The following C10orf67 variants were observed in gnomAD, a reference collection of about 807,000 sequenced individuals.
The protein encoded by C10orf67 is chromosome 10 open reading frame 67, also known as uncharacterized protein C10orf67, mitochondrial.
C10orf67 carries 60 observed loss-of-function variants against 35.6 expected under a neutral mutation model. That is an observed-to-expected ratio of 1.68 (90% CI 1.37 to 2.09). C10orf67 has a LOEUF of 2.09. Ranked by LOEUF, C10orf67 falls within the 30% of genes most tolerant of loss-of-function variation. The pLI, the probability that C10orf67 is intolerant of heterozygous loss-of-function variation, is 0.00. For synonymous variants in C10orf67, 167 were observed against 115.8 expected, an observed-to-expected ratio of 1.44 and a Z score of -2.84; for missense variants, 474 against 330.2, an observed-to-expected ratio of 1.44 and a Z score of -3.38.
At position 23,204,969 on chromosome 10, in the gene C10orf67, G is replaced by A. The variant is rs1425574994; in HGVS notation, c.1571-714C>T. Among the ~76,000 whole-genome samples, 4 of 152,210 alleles carry A rather than the reference G, an allele frequency of 2.6e-5. No homozygotes were observed. The East Asian group carries it at 7.7e-4, about 29-fold the overall frequency. On this transcript the variant is annotated intron_variant, in intron 15 of 15. Transcript: ENST00000636213. ...CCGGGAGCGTGGAGAAGGCAACAAA[G>A]CATTGCAGCCTGCGGTCACCGGTAG...
At chr10:23,326,874 CA>C (rs1439104149) in intron 2 of C10orf67, among the ~76,000 whole-genome samples, 1 of 151,790 alleles carries the variant, frequency 6.6e-6, no homozygotes, top group Non-Finnish European at 1.5e-5. Flanking sequence ...GAACGATGAG[CA>C]AAGAAATTGG....
intron 15 of C10orf67, among the ~76,000 whole-genome samples, chr10:23,212,011 C>T (rs1407174616): frequency 6.6e-6 from 1 of 152,168 alleles, no homozygotes; most frequent in Non-Finnish European, 1.5e-5. Flanking sequence ...TAAATGTGAG[C>T]TTATTTAGAA....
At chr10:23,282,877 T>C (rs1445782061) in intron 7 of C10orf67, among the ~76,000 whole-genome samples, 3 of 151,150 alleles carry the variant, frequency 2.0e-5, no homozygotes, top group African/African-American at 7.3e-5. Flanking sequence ...CAATTGAACT[T>C]ACGGAGATAG....
intron 13 of C10orf67, among the ~76,000 whole-genome samples, chr10:23,227,049 C>T (rs1396140468): frequency 2.0e-5 from 3 of 152,274 alleles, no homozygotes; most frequent in African/African-American, 7.2e-5. Context: ...GAAACTATTC[C>T]AATCAATAGA....
chr10:23,300,801 T>C (rs953376071), intron 5 of C10orf67, among the ~76,000 whole-genome samples: 1 of 152,234 alleles, frequency 6.6e-6, no homozygotes, highest in Non-Finnish European at 1.5e-5. Flanking sequence ...AATTGCCTGC[T>C]GGCCTGTGGG....
At chr10:23,276,966 A>C (rs7071484) in intron 8 of C10orf67, among the ~76,000 whole-genome samples, 37,672 of 152,120 alleles carry the variant, frequency 0.25, 5,679 homozygotes, top group African/African-American at 0.41. Flanking sequence ...CAAACGGATA[A>C]GACATTTCAC....
At chr10:23,319,764 C>T (rs1844870403) in intron 4 of C10orf67, among the ~76,000 whole-genome samples, 1 of 152,192 alleles carries the variant, frequency 6.6e-6, no homozygotes, top group Non-Finnish European at 1.5e-5. Flanking sequence ...ACAACCTCCT[C>T]CAAAATCTCA....
intron 5 of C10orf67, among the ~76,000 whole-genome samples, chr10:23,297,512 G>A (rs1843928132): frequency 6.6e-6 from 1 of 152,084 alleles, no homozygotes; most frequent in Non-Finnish European, 1.5e-5. Flanking sequence ...TACCAGCTGA[G>A]CACTAGTTCC....
intron 12 of C10orf67, among the ~76,000 whole-genome samples, chr10:23,244,929 AG>A (rs1378463787): frequency 6.6e-6 from 1 of 152,244 alleles, no homozygotes; most frequent in African/African-American, 2.4e-5. Context: ...AGCTGGAGGC[AG>A]CTCACTTCCT....
chr10:23,296,712 A>T (rs1033706843), intron 5 of C10orf67, among the ~76,000 whole-genome samples: 9 of 152,234 alleles, frequency 5.9e-5, no homozygotes, highest in African/African-American at 1.7e-4. Context: ...TCTGTGGTAG[A>T]TCTTAGTCAC....
At chr10:23,296,179 A>C (rs1394710859) in intron 5 of C10orf67, among the ~76,000 whole-genome samples, 1 of 151,036 alleles carries the variant, frequency 6.6e-6, no homozygotes, top group African/African-American at 2.4e-5. Flanking sequence ...TTCTATGTGT[A>C]CTTTTTTTTT....
At chr10:23,212,799 G>GAGAT (rs1193697844) in intron 15 of C10orf67, among the ~76,000 whole-genome samples, 1 of 151,392 alleles carries the variant, frequency 6.6e-6, no homozygotes, top group African/African-American at 2.4e-5. Flanking sequence ...GAGAGAGAGA[G>GAGAT]AGAGAGAGAG....
chr10:23,283,542 C>T (rs4396189), intron 7 of C10orf67, among the ~76,000 whole-genome samples: 143,609 of 152,152 alleles, frequency 0.94, 67,875 homozygotes, highest in South Asian at 0.98. Context: ...TGTTCAAGGC[C>T]CTCCAACGCA....
intron 10 of C10orf67, among the ~76,000 whole-genome samples, chr10:23,259,716 T>C (rs1842696665): frequency 6.6e-6 from 1 of 151,660 alleles, no homozygotes; most frequent in Admixed American, 6.6e-5. Flanking sequence ...AGGTGGAAAA[T>C]GTAAAAAAGA....
intron 3 of C10orf67, among the ~76,000 whole-genome samples, chr10:23,321,790 T>G (rs898913124): frequency 6.6e-6 from 1 of 152,086 alleles, no homozygotes; most frequent in Admixed American, 6.5e-5. Context: ...GTTTGTTTTG[T>G]TTTTTGGTTT....
intron 9 of C10orf67, 130 bp from the exon 10 acceptor site, chr10:23,266,556 G>A (rs1842888450): frequency 2.5e-6 from 1 of 395,990 alleles, no homozygotes; most frequent in East Asian, 3.6e-5. Context: ...AGAGCGCATG[G>A]ATTTGTTCTT....
intron 15 of C10orf67, among the ~76,000 whole-genome samples, chr10:23,222,743 G>C (rs2132105514): frequency 6.6e-6 from 1 of 152,278 alleles, no homozygotes; most frequent in South Asian, 2.1e-4. Flanking sequence ...AATAATTTCA[G>C]CCTGGGCAAC....
intron 15 of C10orf67, among the ~76,000 whole-genome samples, chr10:23,215,439 G>A (rs1418045560): frequency 5.3e-5 from 8 of 151,910 alleles, no homozygotes; most frequent in East Asian, 3.9e-4. Flanking sequence ...GATTACAGGC[G>A]TGCACCACCA....
At chr10:23,305,551 GGCCAACA>G (rs1844241998) in intron 4 of C10orf67, among the ~76,000 whole-genome samples, 1 of 152,104 alleles carries the variant, frequency 6.6e-6, no homozygotes, top group South Asian at 2.1e-4. Flanking sequence ...ATATACAAAT[GGCCAACA>G]GTTACATGAA....
Sources: allele counts gnomAD v4.1 joint callset (sites outside exome capture counted in the v4.1 genomes callset), GRCh38; gene constraint gnomAD v4.1.1; transcripts MANE v1.5; gene names NCBI Gene and HGNC (gene_info 2026-07-23, HGNC 2026-07-21).